SYBU: variants seen among roughly 807,000 people sequenced by gnomAD.
The protein encoded by SYBU is syntabulin.
A neutral mutation model predicts 35.9 loss-of-function variants in SYBU; 21 were observed. The observed-to-expected ratio is 0.58, with a 90% confidence interval of 0.41 to 0.84. The LOEUF is 0.84. SYBU is among the 40% of genes least tolerant of loss of function. SYBU has a pLI of 0.00. For synonymous variants in SYBU, 319 were observed against 324.3 expected (o/e 0.98, Z 0.18); for missense variants, 768 against 848.2 (o/e 0.91, Z 1.17).
intron 2 of SYBU, among the ~76,000 whole-genome samples, chr8:109,623,464 G>T (rs1408682417): frequency 1.3e-5 from 2 of 152,112 alleles, no homozygotes; most frequent in Non-Finnish European, 2.9e-5. Flanking sequence ...GCTATCTAAA[G>T]TACTGTTAAA....
intron 1 of SYBU, among the ~76,000 whole-genome samples, chr8:109,667,273 C>T (rs148100708): frequency 0.013 from 2,029 of 152,030 alleles, 53 homozygotes; most frequent in African/African-American, 0.047. Flanking sequence ...CCCACCACTA[C>T]GCCTGGCTAA....
At chr8:109,647,567 C>T (rs1340455023), upstream of SYBU, 1 of 152,160 alleles carries the variant, frequency 6.6e-6, no homozygotes, top group Non-Finnish European at 1.5e-5. Flanking sequence ...AGTACAATTC[C>T]TGTTATACAG....
chr8:109,586,059 C>A lies in SYBU; in HGVS notation c.530+1G>T. The A allele has an allele frequency of 6.2e-7, 1 of 1,605,948 alleles. No homozygotes were observed. Among genetic ancestry groups the A allele is most frequent in the Non-Finnish European group, 8.5e-7 (1 of 1,176,170 alleles). On this transcript the variant is annotated splice_donor_variant, in intron 4 of 6. Transcript: ENST00000276646. LOFTEE classifies it high-confidence loss of function. ...ATTACAGAGCAGGAGATGGTGCCTACTTGCGTGAAGAAGAAGACCGCTTGC... is the reference window on the plus strand; with the variant it reads ...ATTACAGAGCAGGAGATGGTGCCTAATTGCGTGAAGAAGAAGACCGCTTGC...
intron 2 of SYBU, among the ~76,000 whole-genome samples, chr8:109,635,497 G>A (rs764239214): frequency 2.0e-5 from 3 of 151,936 alleles, no homozygotes; most frequent in Non-Finnish European, 4.4e-5. Context: ...ACTTCTGCTG[G>A]TCACCATCTT....
In SYBU at chr8:109,594,552, G is replaced by A. The variant is rs1184299888; in HGVS notation, c.428-8390C>T. The stretch of plus-strand genomic sequence containing the variant: ...TACTTAAACATGGCTTTTCTTAATT[G>A]ACTCTAAGACCTAACAACCTTGACC... On this transcript the variant is annotated intron_variant, in intron 3 of 6. Coordinates refer to ENST00000276646, the MANE Select transcript of SYBU (RefSeq NM_001099754.2). 9.9e-5 allele frequency among the ~76,000 whole-genome samples: 15 copies of A among 152,030 alleles called. 3 individuals are homozygous for A. Among genetic ancestry groups the A allele is most frequent in the Admixed American group, 9.2e-4 (14 of 15,276 alleles).
intron 3 of SYBU, among the ~76,000 whole-genome samples, chr8:109,596,236 T>C (rs1357018916): frequency 6.6e-6 from 1 of 152,260 alleles, no homozygotes; most frequent in Non-Finnish European, 1.5e-5. Flanking sequence ...TCTCAATGTA[T>C]TTTTTAAAAG....
At chr8:109,673,051 A>T (rs939628166) in intron 1 of SYBU, among the ~76,000 whole-genome samples, 6 of 152,150 alleles carry the variant, frequency 3.9e-5, no homozygotes, top group African/African-American at 1.2e-4. Flanking sequence ...TATATATAAA[A>T]TGCCCAACTC....
At position 109,644,636 on chromosome 8, in the gene SYBU, C is replaced by T; in HGVS notation, c.24G>A (p.Lys8=). 6.5e-7 allele frequency: 1 copy of T among 1,536,488 alleles called. No individual in the cohort carries two copies. Among genetic ancestry groups the T allele is most frequent in the Non-Finnish European group, 8.7e-7 (1 of 1,148,350 alleles). Residue 8 remains lysine (K), a splice_region_variant and synonymous_variant, in exon 1 of 7, where the codon AAG becomes AAA. Coordinates refer to ENST00000276646, the MANE Select transcript of SYBU (RefSeq NM_001099754.2). ...GCCCGCACTGCCCCGCGCTCCTTAC[C>T]TTGCTCTCGCGGAGGGGCCCCATCG... MGPLRES[K]KEHRVQHHDK... is the part of the protein sequence containing the mutation.
At chr8:109,598,164 C>A (rs561782526) in intron 3 of SYBU, among the ~76,000 whole-genome samples, 1 of 152,232 alleles carries the variant, frequency 6.6e-6, no homozygotes, top group Non-Finnish European at 1.5e-5. Flanking sequence ...TGAGATCCCC[C>A]AGCAGCTTCC....
intron 2 of SYBU, among the ~76,000 whole-genome samples, chr8:109,620,019 C>T (rs1353681650): frequency 6.6e-6 from 1 of 152,150 alleles, no homozygotes. Context: ...TATGAAGTGA[C>T]CTACATAGAT....
At chr8:109,596,008 A>C (rs1336428230) in intron 3 of SYBU, among the ~76,000 whole-genome samples, 1 of 152,334 alleles carries the variant, frequency 6.6e-6, no homozygotes, top group East Asian at 1.9e-4. Context: ...TATTCTAGGG[A>C]TCCTACAGCC....
chr8:109,662,395 A>C (rs1168911370), intron 1 of SYBU, among the ~76,000 whole-genome samples: 2 of 152,072 alleles, frequency 1.3e-5, no homozygotes, highest in Non-Finnish European at 2.9e-5. Flanking sequence ...TGATCATCTC[A>C]TCCATACTTT....
chr8:109,582,723 T>C (rs142760807), intron 4 of SYBU, among the ~76,000 whole-genome samples: 2 of 152,284 alleles, frequency 1.3e-5, no homozygotes, highest in East Asian at 1.9e-4. Flanking sequence ...TGCAAATTGA[T>C]ATGTTGAAGC....
At position 109,617,115 on chromosome 8, in the gene SYBU, G is replaced by A. The variant is rs964689658; in HGVS notation, c.427+1727C>T. Among the ~76,000 whole-genome samples the A allele has an allele frequency of 2.0e-5, 3 of 150,582 alleles. No homozygotes were observed. The East Asian group carries it at 5.9e-4, about 29-fold the overall frequency. ...CGCACCACTGCACTCCAGTCTGGGC[G>A]ACAGTGAGAATCTGTCTCAAAAAAA... is the stretch of plus-strand genomic sequence containing the variant. On this transcript the variant is annotated intron_variant, in intron 3 of 6. Transcript: ENST00000276646.
At chr8:109,622,776 A>G (rs73317089) in intron 2 of SYBU, among the ~76,000 whole-genome samples, 4,317 of 151,934 alleles carry the variant, frequency 0.028, 205 homozygotes, top group African/African-American at 0.098. Context: ...ATGTTAATAT[A>G]AAGAAATTAT....
At chr8:109,626,684 C>A (rs1386037246) in intron 2 of SYBU, among the ~76,000 whole-genome samples, 4 of 152,112 alleles carry the variant, frequency 2.6e-5, no homozygotes, top group Admixed American at 1.3e-4. Context: ...CTGAGGCTGG[C>A]AGATCCCTTG....
chr8:109,626,793 C>T (rs533223126), intron 2 of SYBU, among the ~76,000 whole-genome samples: 17 of 152,264 alleles, frequency 1.1e-4, no homozygotes, highest in African/African-American at 4.1e-4. Context: ...ACCTGTAGTC[C>T]CAGCGGAGGT....
upstream of SYBU, among the ~76,000 whole-genome samples, chr8:109,685,738 TG>T (rs1449836898): frequency 1.3e-5 from 2 of 152,200 alleles, no homozygotes; most frequent in African/African-American, 4.8e-5. Flanking sequence ...TAAATAGTAA[TG>T]GAAATAATGG....
chr8:109,574,693 C>A lies in SYBU; in HGVS notation c.*213G>T, dbSNP rs1822007134. 2.2e-6 allele frequency: 1 copy of A among 460,632 alleles called. No homozygotes were observed. 28.5% of individuals were successfully genotyped at this position (460,632 alleles called of 1,614,324 possible). A position where few individuals can be genotyped will look rare whatever the true frequency, so the allele number is the denominator to read the frequency against. Reference sequence around the variant, plus strand: ...GGTCATGAGCATGCTTTCTATACCCCACTGGTGGGACATTTACTGGAACCA... The same window carrying A: ...GGTCATGAGCATGCTTTCTATACCCAACTGGTGGGACATTTACTGGAACCA... On this transcript the variant is annotated 3_prime_UTR_variant, in exon 7 of 7. Transcript: ENST00000276646.
Sources: gnomAD v4.1 joint callset for allele counts (sites outside exome capture counted in the v4.1 genomes callset) on GRCh38, gnomAD v4.1.1 for gene constraint, MANE v1.5 for transcripts, NCBI Gene and HGNC (gene_info 2026-07-23, HGNC 2026-07-21) for gene names.